SPAG9: variants seen among roughly 807,000 people sequenced by gnomAD.
SPAG9 encodes the protein sperm associated antigen 9, also known as C-Jun-amino-terminal kinase-interacting protein 4.
In SPAG9, 35 loss-of-function variants were observed where a neutral mutation model predicts 166.5. The ratio of observed to expected loss-of-function variants is 0.21; its 90% confidence interval spans 0.16 to 0.28. The LOEUF is 0.28. Ranked by LOEUF, SPAG9 falls within the 10% of genes least tolerant of loss-of-function variation. The probability of loss-of-function intolerance (pLI) is 1.00; values close to 1 mark genes in which losing one functional copy is unlikely to be tolerated. For missense variants in SPAG9, 1,235 were observed against 1,603.3 expected, an observed-to-expected ratio of 0.77 and a Z score of 3.92; for synonymous variants, 534 against 565.5, an observed-to-expected ratio of 0.94 and a Z score of 0.79.
chr17:51,105,666 G>C (rs951483656), intron 1 of SPAG9, among the ~76,000 whole-genome samples: 3 of 151,560 alleles, frequency 2.0e-5, no homozygotes, highest in African/African-American at 7.3e-5. Flanking sequence ...TCAGGAGATC[G>C]AGGCCATCCT....
chr17:51,105,403 AT>A (rs2048919501), intron 1 of SPAG9, among the ~76,000 whole-genome samples: 1 of 152,200 alleles, frequency 6.6e-6, no homozygotes, highest in Non-Finnish European at 1.5e-5. Context: ...CAAGACAGGC[AT>A]TTATGAGAGC....
At position 50,992,792 on chromosome 17, in the gene SPAG9, C is replaced by T. The variant is rs567556689; in HGVS notation, c.2398+972G>A. On this transcript the variant is annotated intron_variant, in intron 19 of 29. Transcript: ENST00000262013. ...ACGAAGCGGGTGGATCACCTGAGGT[C>T]AGGAGTTCAAGACTAATCTGACTGC... 9.9e-4 allele frequency among the ~76,000 whole-genome samples: 151 copies of T among 152,182 alleles called. 1 individual carries two copies. Among genetic ancestry groups the T allele is most frequent in the African/African-American group, 3.6e-3 (150 of 41,528 alleles).
intron 1 of SPAG9, among the ~76,000 whole-genome samples, chr17:51,102,161 C>T (rs1192815078): frequency 6.6e-6 from 1 of 151,894 alleles, no homozygotes; most frequent in East Asian, 1.9e-4. Flanking sequence ...GGTGGGCGAA[C>T]TGCCTGAGCT....
chr17:50,993,523 C>T (rs1597935610), intron 19 of SPAG9, among the ~76,000 whole-genome samples: 1 of 152,142 alleles, frequency 6.6e-6, no homozygotes, highest in South Asian at 2.1e-4. Flanking sequence ...TTAATCCAAA[C>T]AGTCCTCTGG....
Position 50,964,726 on chromosome 17 carries a change from G to A in SPAG9, c.*1546C>T, listed in dbSNP as rs543448216. 2.2e-6 allele frequency: 1 copy of A among 451,534 alleles called. No homozygotes were observed. Among genetic ancestry groups the A allele is most frequent in the Non-Finnish European group, 4.4e-6 (1 of 224,772 alleles). 28.0% of individuals were successfully genotyped at this position (451,534 alleles called of 1,614,324 possible). A position where few individuals can be genotyped will look rare whatever the true frequency, so the allele number is the denominator to read the frequency against. The stretch of plus-strand genomic sequence containing the variant: ...AAAAACTTATTAAGCAAGAAAATCA[G>A]TGAAATCCAGACTTTAATCTATTTT... On this transcript the variant is annotated 3_prime_UTR_variant, in exon 30 of 30. Transcript: ENST00000262013.
intron 1 of SPAG9, among the ~76,000 whole-genome samples, chr17:51,108,724 G>A (rs184525637): frequency 6.6e-6 from 1 of 152,140 alleles, no homozygotes; most frequent in African/African-American, 2.4e-5. Flanking sequence ...CTGGAACTCT[G>A]GGGCTCAAGC....
intron 21 of SPAG9, 49 bp from the exon 22 acceptor site, chr17:50,987,286 G>T (rs148597792): frequency 1.3e-6 from 2 of 1,530,542 alleles, no homozygotes; most frequent in Admixed American, 4.2e-5. Flanking sequence ...CTTAACTATC[G>T]TTATAGTTTT....
At chr17:51,009,320 T>C (rs1434854875) in intron 9 of SPAG9, among the ~76,000 whole-genome samples, 3 of 151,938 alleles carry the variant, frequency 2.0e-5, no homozygotes, top group Non-Finnish European at 2.9e-5. Context: ...AGGAAAAAAA[T>C]TGAAATGTGT....
intron 19 of SPAG9, chr17:50,990,881 T>C (rs1597926127): frequency 2.1e-6 from 1 of 480,186 alleles, no homozygotes; most frequent in Non-Finnish European, 3.7e-6. Flanking sequence ...CAAGTGCAAA[T>C]AAACATAAAA....
chr17:51,056,296 C>A, intron 3 of SPAG9, 116 bp downstream of exon 3: 1 of 680,850 alleles, frequency 1.5e-6, no homozygotes, highest in African/African-American at 1.8e-5. Context: ...AAAGAATCCC[C>A]AAGAATTATT....
At chr17:51,037,299 G>A (rs1040579747) in intron 5 of SPAG9, among the ~76,000 whole-genome samples, 2 of 151,878 alleles carry the variant, frequency 1.3e-5, no homozygotes, top group African/African-American at 2.4e-5. Context: ...AGACAGAGTC[G>A]CTTGACACTA....
At chr17:51,115,752 C>G (rs1157297610) in intron 1 of SPAG9, among the ~76,000 whole-genome samples, 1 of 151,958 alleles carries the variant, frequency 6.6e-6, no homozygotes, top group Non-Finnish European at 1.5e-5. Context: ...ACTGTTTGAA[C>G]CCAGGAGGCG....
intron 6 of SPAG9, among the ~76,000 whole-genome samples, chr17:51,023,612 G>A (rs531563954): frequency 1.3e-5 from 2 of 152,180 alleles, no homozygotes; most frequent in Admixed American, 1.3e-4. Context: ...TAGCTCCTCT[G>A]CAAATAATTG....
chr17:50,970,661 G>A (rs2143580578), intron 29 of SPAG9, 46 bp downstream of exon 29: 2 of 1,545,454 alleles, frequency 1.3e-6, no homozygotes, highest in African/African-American at 1.4e-5. Flanking sequence ...CAAAACCCAA[G>A]TCATAGCACA....
chr17:51,036,373 A>T (rs555479705), intron 5 of SPAG9, among the ~76,000 whole-genome samples: 4 of 152,088 alleles, frequency 2.6e-5, no homozygotes, highest in Non-Finnish European at 4.4e-5. Context: ...TCCTCATTCT[A>T]CTTGACTTCC....
chr17:50,972,587 TA>T lies in SPAG9; in HGVS notation c.3701-1732del, dbSNP rs1487554494. On this transcript the variant is annotated intron_variant, in intron 28 of 29. Transcript: ENST00000262013. ...CTCTTAGCAAGATTTAATTGTGGGA[TA>T]TTTTTTTCCTTGTCAGAATCTGCTG... Among the ~76,000 whole-genome samples, 15 of 152,244 alleles carry T rather than the reference TA, an allele frequency of 9.9e-5. 1 individual carries two copies. The highest frequency in any genetic ancestry group is 9.8e-4 in the Admixed American group (15 of 15,282).
At chr17:51,038,483 G>A (rs1050078092) in intron 5 of SPAG9, among the ~76,000 whole-genome samples, 2 of 152,162 alleles carry the variant, frequency 1.3e-5, no homozygotes, top group Admixed American at 6.6e-5. Context: ...TAAAAGGTAA[G>A]ATGAGGACTG....
In SPAG9 at chr17:51,001,557, A is replaced by G. The variant is rs370979390; in HGVS notation, c.1607+158T>C. Reference sequence around the variant, plus strand: ...CCCAAAAAGCACCTCCTTTGATCACATTCTGTTGCTAATTCTGAGTGTTAC... The same window carrying G: ...CCCAAAAAGCACCTCCTTTGATCACGTTCTGTTGCTAATTCTGAGTGTTAC... On this transcript the variant is annotated intron_variant, in intron 13 of 29. Coordinates refer to ENST00000262013, the MANE Select transcript of SPAG9 (RefSeq NM_001130528.3). 4.3e-4 allele frequency among the ~76,000 whole-genome samples: 65 copies of G among 152,336 alleles called. No individual in the cohort carries two copies. In the South Asian group the frequency reaches 0.013, roughly 30 times the overall value.
At chr17:51,035,470 T>C (rs2046550149) in intron 5 of SPAG9, among the ~76,000 whole-genome samples, 1 of 152,238 alleles carries the variant, frequency 6.6e-6, no homozygotes, top group Admixed American at 6.5e-5. Flanking sequence ...ACAATAGATA[T>C]GATTCAACTA....
Sources: allele counts gnomAD v4.1 joint callset (sites outside exome capture counted in the v4.1 genomes callset), GRCh38; gene constraint gnomAD v4.1.1; transcripts MANE v1.5; gene names NCBI Gene and HGNC (gene_info 2026-07-23, HGNC 2026-07-21).